The following AP2B1 variants were observed in gnomAD, a reference collection of about 807,000 sequenced individuals.
AP2B1 encodes AP-2 complex subunit beta.
A neutral mutation model predicts 102.0 loss-of-function variants in AP2B1; 23 were observed. The ratio of observed to expected loss-of-function variants is 0.23; its 90% CI spans 0.16 to 0.32. AP2B1 has a LOEUF of 0.32. Ranked by LOEUF, AP2B1 falls within the 10% of genes least tolerant of loss-of-function variation. AP2B1 has a pLI of 1.00. For missense variants in AP2B1, 541 were observed against 1,157.4 expected, an observed-to-expected ratio of 0.47 and a Z score of 7.73; for synonymous variants, 381 against 421.2, an observed-to-expected ratio of 0.90 and a Z score of 1.17.
At chr17:35,643,808 ATTAC>A (rs1049431886) in intron 12 of AP2B1, among the ~76,000 whole-genome samples, 20 of 152,226 alleles carry the variant, frequency 1.3e-4, no homozygotes, top group African/African-American at 2.4e-4. Context: ...TATCAGAGTC[ATTAC>A]TTACTTCATT....
At chr17:35,709,501 C>T (rs782818951) in intron 19 of AP2B1, among the ~76,000 whole-genome samples, 193 bp downstream of exon 19, 1 of 152,140 alleles carries the variant, frequency 6.6e-6, no homozygotes, top group Non-Finnish European at 1.5e-5. Context: ...CCATTGGTCT[C>T]TAAATCACAG....
chr17:35,697,343 T>G (rs1186428830), intron 18 of AP2B1, among the ~76,000 whole-genome samples: 1 of 152,240 alleles, frequency 6.6e-6, no homozygotes, highest in Non-Finnish European at 1.5e-5. Flanking sequence ...TTTTGGGAAT[T>G]TTTTCTGTTG....
intron 11 of AP2B1, among the ~76,000 whole-genome samples, chr17:35,640,787 C>T (rs1235133375): frequency 1.3e-5 from 2 of 152,144 alleles, no homozygotes; most frequent in Admixed American, 1.3e-4. Flanking sequence ...CAGTAGTTAC[C>T]ACTACTTTTT....
At chr17:35,701,922 C>G (rs116456560) in intron 18 of AP2B1, among the ~76,000 whole-genome samples, 1 of 152,274 alleles carries the variant, frequency 6.6e-6, no homozygotes, top group African/African-American at 2.4e-5. Context: ...GTACCAAGCC[C>G]CATAGAACTT....
At chr17:35,604,026 A>T (rs2073576931) in intron 3 of AP2B1, among the ~76,000 whole-genome samples, 2 of 152,096 alleles carry the variant, frequency 1.3e-5, no homozygotes, top group South Asian at 4.1e-4. Flanking sequence ...CCACGAATGG[A>T]TTATCTAAGG....
intron 6 of AP2B1, among the ~76,000 whole-genome samples, chr17:35,626,305 A>C (rs148693526): frequency 1.8e-4 from 28 of 152,232 alleles, no homozygotes; most frequent in African/African-American, 6.7e-4. Flanking sequence ...TGGGGAGACA[A>C]AGAGGACTAT....
rs532144457 is a variant in AP2B1, at chr17:35,675,517, G to A, written c.2324+1196G>A. ...TTTTTGAGGAGCTGGCCCTGTTAAA[G>A]GCCAGGGCTGTTGGGAAAATAAATA... On this transcript the variant is annotated intron_variant, in intron 17 of 21. Coordinates refer to ENST00000610402, the MANE Select transcript of AP2B1 (RefSeq NM_001030006.2). 3.3e-5 allele frequency among the ~76,000 whole-genome samples: 5 copies of A among 152,334 alleles called. No individual in the cohort carries two copies. In the South Asian group the frequency reaches 6.2e-4, roughly 19 times the overall value.
chr17:35,662,295 C>G (rs1453575782), intron 14 of AP2B1, among the ~76,000 whole-genome samples: 2 of 151,576 alleles, frequency 1.3e-5, no homozygotes, highest in Admixed American at 1.3e-4. Context: ...TATCGCATTT[C>G]AGCATATTCT....
chr17:35,664,459 T>C (rs776857889), intron 14 of AP2B1, among the ~76,000 whole-genome samples: 3 of 152,148 alleles, frequency 2.0e-5, no homozygotes, highest in Non-Finnish European at 4.4e-5. Context: ...TCTATTCATA[T>C]GTTTGTCAAT....
intron 16 of AP2B1, among the ~76,000 whole-genome samples, chr17:35,673,424 T>TGA (rs1371093025): frequency 1.3e-5 from 2 of 152,126 alleles, no homozygotes; most frequent in African/African-American, 4.8e-5. Context: ...CCTGATCTCG[T>TGA]GATCTGCCCT....
At chr17:35,600,360 A>G (rs564535031) in intron 3 of AP2B1, among the ~76,000 whole-genome samples, 1 of 152,268 alleles carries the variant, frequency 6.6e-6, no homozygotes, top group South Asian at 2.1e-4. Flanking sequence ...CTGGGATTAC[A>G]GGCATGAGCC....
intron 14 of AP2B1, among the ~76,000 whole-genome samples, chr17:35,669,086 T>C (rs1216539460): frequency 6.6e-6 from 1 of 151,946 alleles, no homozygotes; most frequent in Non-Finnish European, 1.5e-5. Context: ...ATGTGTAGTA[T>C]CTTTTCTATT....
chr17:35,629,123 A>G (rs531124524), intron 9 of AP2B1, among the ~76,000 whole-genome samples: 1 of 151,930 alleles, frequency 6.6e-6, no homozygotes, highest in African/African-American at 2.4e-5. Flanking sequence ...TAATTTTTGT[A>G]TTTTTAGTAG....
rs773009265 is a variant in AP2B1 at position 35,594,075 on chromosome 17, T to G, written c.37+8T>G. 1 of 1,581,308 alleles carries G rather than the reference T, an allele frequency of 6.3e-7. No homozygotes were observed. Among genetic ancestry groups the G allele is most frequent in the East Asian group, 2.3e-5 (1 of 43,982 alleles). Reference sequence around the variant, plus strand: ...TCACAACCAATAAAAAAGGTAAGTATGAGAATACAATCAAATCTTTTGAAA... The same window carrying G: ...TCACAACCAATAAAAAAGGTAAGTAGGAGAATACAATCAAATCTTTTGAAA... On this transcript the variant is annotated splice_region_variant and intron_variant, in intron 2 of 21. Transcript: ENST00000610402.
At chr17:35,664,755 C>T (rs1186335845) in intron 14 of AP2B1, among the ~76,000 whole-genome samples, 1 of 152,104 alleles carries the variant, frequency 6.6e-6, no homozygotes, top group Non-Finnish European at 1.5e-5. Flanking sequence ...CTTACATTCG[C>T]GTAGGGGAGA....
At chr17:35,716,705 G>A (rs970247422) in intron 20 of AP2B1, among the ~76,000 whole-genome samples, 5 of 152,100 alleles carry the variant, frequency 3.3e-5, no homozygotes, top group African/African-American at 4.8e-5. Context: ...GTTGAGGCCC[G>A]AATGGCTCAC....
At chr17:35,704,685 T>C (rs1228565579) in intron 18 of AP2B1, among the ~76,000 whole-genome samples, 1 of 152,094 alleles carries the variant, frequency 6.6e-6, no homozygotes, top group African/African-American at 2.4e-5. Flanking sequence ...TAAGGTTAAA[T>C]AGGTATTTTC....
intron 9 of AP2B1, among the ~76,000 whole-genome samples, chr17:35,634,943 A>G (rs1024243057): frequency 3.3e-5 from 5 of 151,702 alleles, no homozygotes; most frequent in African/African-American, 7.3e-5. Context: ...TCTTACTTCT[A>G]TCTCCTGGCC....
intron 6 of AP2B1, among the ~76,000 whole-genome samples, chr17:35,625,677 T>C (rs11655803): frequency 0.22 from 33,762 of 151,318 alleles, 3,986 homozygotes; most frequent in East Asian, 0.34. Flanking sequence ...TATGTATAGA[T>C]AGTGTAATAT....
Sources: allele counts gnomAD v4.1 joint callset (sites outside exome capture counted in the v4.1 genomes callset), GRCh38; gene constraint gnomAD v4.1.1; transcripts MANE v1.5; gene names NCBI Gene and HGNC (gene_info 2026-07-23, HGNC 2026-07-21).